The following PRKX variants were observed in gnomAD, a reference collection of about 807,000 sequenced individuals.
PRKX encodes cAMP-dependent protein kinase catalytic subunit PRKX.
In PRKX, 12 loss-of-function variants were observed where a neutral mutation model predicts 22.0. The observed-to-expected ratio is 0.54, with a 90% CI of 0.35 to 0.88. The LOEUF is 0.88. PRKX is among the 40% of genes least tolerant of loss of function. The pLI, the probability that PRKX is intolerant of heterozygous loss-of-function variation, is 0.01. For missense variants in PRKX, 217 were observed against 308.0 expected, an observed-to-expected ratio of 0.70 and a Z score of 2.21; for synonymous variants, 134 against 137.7, an observed-to-expected ratio of 0.97 and a Z score of 0.19.
intron 1 of PRKX, among the ~76,000 whole-genome samples, chrX:3,681,191 G>A (rs1299068166): frequency 8.9e-6 from 1 of 111,861 alleles, no homozygotes; most frequent in East Asian, 2.8e-4. Flanking sequence ...CGACCAGCCT[G>A]GGCAACATGG....
intron 5 of PRKX, among the ~76,000 whole-genome samples, chrX:3,625,680 C>T (rs758840689): frequency 3.6e-5 from 4 of 110,524 alleles, no homozygotes; most frequent in South Asian, 4.0e-4. Flanking sequence ...CAAGCGATTC[C>T]GCTGTCTCAG....
chrX:3,668,294 G>GC (rs1462560236), intron 2 of PRKX: 1 of 111,804 alleles, frequency 8.9e-6, no homozygotes, highest in Non-Finnish European at 1.9e-5. Flanking sequence ...GGAGCTGCCT[G>GC]CCTTCACTCT....
intron 1 of PRKX, among the ~76,000 whole-genome samples, chrX:3,693,559 G>C (rs1247176134): frequency 9.0e-6 from 1 of 110,933 alleles, no homozygotes; most frequent in African/African-American, 3.3e-5. Context: ...TTGAGATTGA[G>C]GGATAGACTA....
chrX:3,685,773 C>T (rs1211877224), intron 1 of PRKX, among the ~76,000 whole-genome samples: 2 of 110,907 alleles, frequency 1.8e-5, no homozygotes, highest in Non-Finnish European at 3.8e-5. Flanking sequence ...AAACCAGGCT[C>T]GGTGGCGCAT....
intron 3 of PRKX, among the ~76,000 whole-genome samples, chrX:3,644,191 A>G (rs1271138256): frequency 1.1e-5 from 1 of 94,859 alleles, no homozygotes; most frequent in Non-Finnish European, 2.1e-5. Context: ...TTAGGCTAGG[A>G]GTTTCAGACC....
intron 8 of PRKX, among the ~76,000 whole-genome samples, chrX:3,611,861 G>GAAAGCTCA (rs1926301742): frequency 9.0e-6 from 1 of 111,188 alleles, no homozygotes; most frequent in African/African-American, 3.3e-5. Context: ...TCTGGAACAG[G>GAAAGCTCA]GACCAGAGGA....
chrX:3,679,513 C>G (rs1309861290), intron 1 of PRKX, among the ~76,000 whole-genome samples: 1 of 112,416 alleles, frequency 8.9e-6, no homozygotes, highest in Non-Finnish European at 1.9e-5. Context: ...TCTGAATACT[C>G]AAAGTGTCTT....
chrX:3,696,388 C>G (rs1293287117), intron 1 of PRKX, among the ~76,000 whole-genome samples: 1 of 111,808 alleles, frequency 8.9e-6, no homozygotes, highest in African/African-American at 3.2e-5. Flanking sequence ...AAAAATGCAT[C>G]GAATACACCT....
At chrX:3,613,213 C>T (rs1459501180) in intron 7 of PRKX, among the ~76,000 whole-genome samples, 1 of 95,233 alleles carries the variant, frequency 1.1e-5, no homozygotes, top group South Asian at 5.2e-4. Context: ...GGTATGTAGA[C>T]AGGTCTCCAG....
At chrX:3,623,172 G>T (rs1200542314) in intron 5 of PRKX, among the ~76,000 whole-genome samples, 3 of 109,868 alleles carry the variant, frequency 2.7e-5, no homozygotes, top group African/African-American at 1.0e-4. Context: ...GTGTGTGTGT[G>T]TGTGTGTGTG....
In PRKX at chrX:3,621,242, C is replaced by T. The variant is rs1156385676; in HGVS notation, c.873+17G>A. The T allele has an allele frequency of 3.3e-6, 4 of 1,198,451 alleles. No homozygotes were observed. The highest frequency in any genetic ancestry group is 6.0e-5 in the East Asian group (2 of 33,600). On this transcript the variant is annotated intron_variant, in intron 6 of 8. Coordinates refer to ENST00000262848, the MANE Select transcript of PRKX (RefSeq NM_005044.5). ...CACATCGGGTACCACTGAATACCCACGGGATCAAATACTGACCTTCATGTT... is the reference window on the plus strand; with the variant it reads ...CACATCGGGTACCACTGAATACCCATGGGATCAAATACTGACCTTCATGTT...
At chrX:3,627,169 G>A (rs1165764115) in intron 4 of PRKX, among the ~76,000 whole-genome samples, 1 of 110,133 alleles carries the variant, frequency 9.1e-6, no homozygotes, top group African/African-American at 3.3e-5. Context: ...ATAACCTGAC[G>A]TCAGGAGTTT....
intron 6 of PRKX, 52 bp downstream of exon 6, chrX:3,621,186 ATGCCAATGTGGGTGTTAGACG>A (rs970194205): frequency 1.0e-6 from 1 of 956,413 alleles, no homozygotes; most frequent in African/African-American, 1.9e-5. Context: ...ATACCTGCAC[ATGCCAATGTGGGTGTTAGACG>A]GCAGACACGC....
At position 3,686,714 on chromosome X, in the gene PRKX, C is replaced by T. The variant is rs759250901; in HGVS notation, c.167-11948G>A. ...CTGGGATTACAGGTGCCTGCCACTA[C>T]GCCCGACTAATTCTTGTAGTTTTAG... On this transcript the variant is annotated intron_variant, in intron 1 of 8. Coordinates refer to ENST00000262848, the MANE Select transcript of PRKX (RefSeq NM_005044.5). 9.1e-5 allele frequency among the ~76,000 whole-genome samples: 10 copies of T among 110,155 alleles called. No homozygotes were observed. The East Asian group carries it at 1.7e-3, about 19-fold the overall frequency.
At chrX:3,671,282 A>AC (rs1229909883) in intron 2 of PRKX, among the ~76,000 whole-genome samples, 1 of 110,134 alleles carries the variant, frequency 9.1e-6, no homozygotes, top group Non-Finnish European at 1.9e-5. Context: ...TTCTTAAGAG[A>AC]CGAGATCTCA....
At chrX:3,623,530 G>A (rs12387872) in intron 5 of PRKX, among the ~76,000 whole-genome samples, 1 of 109,685 alleles carries the variant, frequency 9.1e-6, no homozygotes, top group Non-Finnish European at 1.9e-5. Context: ...CACTCCAGCC[G>A]GGGTGACAGA....
intron 3 of PRKX, among the ~76,000 whole-genome samples, chrX:3,654,464 T>TG (rs199922685): frequency 0.33 from 25,454 of 76,351 alleles, 3,126 homozygotes; most frequent in African/African-American, 0.4. Context: ...TTGGTTTTTT[T>TG]TTTTTTTTTT....
At chrX:3,653,383 T>C (rs1381719897) in intron 3 of PRKX, among the ~76,000 whole-genome samples, 3 of 109,775 alleles carry the variant, frequency 2.7e-5, no homozygotes, top group East Asian at 5.7e-4. Flanking sequence ...GAGCCATGAA[T>C]GTCTGCTGTT....
chrX:3,651,104 CAA>C (rs763580015), intron 3 of PRKX, among the ~76,000 whole-genome samples: 5 of 85,153 alleles, frequency 5.9e-5, no homozygotes, highest in Non-Finnish European at 4.7e-5. Context: ...CAATGATGGT[CAA>C]AAAAAAAAAG....
Sources: allele counts gnomAD v4.1 joint callset (sites outside exome capture counted in the v4.1 genomes callset), GRCh38; gene constraint gnomAD v4.1.1; transcripts MANE v1.5; gene names NCBI Gene and HGNC (gene_info 2026-07-23, HGNC 2026-07-21).